RLF: variants seen among roughly 807,000 people sequenced by gnomAD.
The protein encoded by RLF is RLF zinc finger.
Under a neutral mutation model 162.9 loss-of-function variants are expected in RLF, and 7 were observed. That is an observed-to-expected ratio of 0.04 (90% confidence interval 0.02 to 0.08). RLF has a LOEUF of 0.08. Ranked by LOEUF, RLF falls within the 10% of genes least tolerant of loss-of-function variation. The pLI is 1.00. For missense variants in RLF, 1,664 were observed against 2,244.7 expected (o/e 0.74, Z 5.23); for synonymous variants, 782 against 791.5 (o/e 0.99, Z 0.20).
intron 5 of RLF, among the ~76,000 whole-genome samples, chr1:40,203,566 G>C (rs61781763): frequency 0.052 from 7,895 of 150,974 alleles, 601 homozygotes; most frequent in African/African-American, 0.17. Context: ...ACTATTTTAT[G>C]TATCAGATTG....
chr1:40,183,196 C>T lies in RLF; in HGVS notation c.238-5859C>T, dbSNP rs140095615. Among the ~76,000 whole-genome samples, 833 of 152,274 alleles carry T rather than the reference C, an allele frequency of 5.5e-3. 3 individuals carry two copies. Among genetic ancestry groups the T allele is most frequent in the Admixed American group, 8.6e-3 (131 of 15,302 alleles). On this transcript the variant is annotated intron_variant, in intron 1 of 7. Coordinates refer to ENST00000372771, the MANE Select transcript of RLF (RefSeq NM_012421.4). ...AGTGCTGCCCTCTCCTGGAAGTCTACCTCTTGTAGTGCAGTCACATTTTAC... is the reference window on the plus strand; with the variant it reads ...AGTGCTGCCCTCTCCTGGAAGTCTATCTCTTGTAGTGCAGTCACATTTTAC...
chr1:40,190,804 A>G lies in RLF; in HGVS notation c.425A>G (p.Glu142Gly), dbSNP rs754839476. The G allele has an allele frequency of 2.5e-6, 4 of 1,613,092 alleles. No individual in the cohort carries two copies. In the South Asian group the frequency reaches 4.4e-5, roughly 18 times the overall value. The change falls in exon 3 of 8, where the codon GAA becomes GGA. Residue 142 changes from glutamate to glycine, a missense_variant. Transcript: ENST00000372771. Reference sequence around the variant, plus strand: ...TTCGAATTACTGCTTTCAGTGTCTGAAAGTGAACTGCCATGTGAAGTCTGG... The same window carrying G: ...TTCGAATTACTGCTTTCAGTGTCTGGAAGTGAACTGCCATGTGAAGTCTGG... ...SCFELLLSVS[E>G]SELPCEVWLP...
At chr1:40,233,282 A>G (rs148341795) in intron 7 of RLF, among the ~76,000 whole-genome samples, 7 of 152,184 alleles carry the variant, frequency 4.6e-5, no homozygotes, top group South Asian at 2.1e-4. Context: ...ACTTTTTGGC[A>G]TATCTGTTCA....
At chr1:40,180,317 C>T (rs1642389075) in intron 1 of RLF, among the ~76,000 whole-genome samples, 1 of 152,006 alleles carries the variant, frequency 6.6e-6, no homozygotes, top group African/African-American at 2.4e-5. Context: ...GGAGTGCAGT[C>T]ACATGATCTT....
At chr1:40,199,700 A>G (rs1214811821) in intron 4 of RLF, among the ~76,000 whole-genome samples, 2 of 152,198 alleles carry the variant, frequency 1.3e-5, no homozygotes, top group Admixed American at 1.3e-4. Flanking sequence ...GCCTGTTATC[A>G]GGTATGTTGC....
intron 3 of RLF, among the ~76,000 whole-genome samples, chr1:40,193,796 A>AT (rs1345891190): frequency 1.3e-5 from 2 of 152,154 alleles, no homozygotes; most frequent in Non-Finnish European, 2.9e-5. Flanking sequence ...GTAAAAGCCT[A>AT]TTTTAACATG....
At chr1:40,173,409 T>C (rs184372250) in intron 1 of RLF, among the ~76,000 whole-genome samples, 1 of 152,254 alleles carries the variant, frequency 6.6e-6, no homozygotes, top group Non-Finnish European at 1.5e-5. Context: ...ATCAGACATT[T>C]ACATTTTTTT....
intron 1 of RLF, among the ~76,000 whole-genome samples, chr1:40,172,900 A>G (rs1183274937): frequency 1.3e-5 from 2 of 152,168 alleles, no homozygotes; most frequent in Admixed American, 6.5e-5. Flanking sequence ...TTAAGTTTTG[A>G]TGGATACTTG....
Position 40,237,931 on chromosome 1 carries a change from A to T in RLF, c.3229A>T (p.Thr1077Ser). 6.2e-7 allele frequency: 1 copy of T among 1,614,110 alleles called. No individual in the cohort carries two copies. Among genetic ancestry groups the T allele is most frequent in the Non-Finnish European group, 8.5e-7 (1 of 1,179,986 alleles). The stretch of plus-strand genomic sequence containing the variant: ...ACATTTAAGCTTGAAAAACTCAATA[A>T]CACATGGATCTTTCTCAGGGTCATT... ...LKHLSLKNSI[T>S]HGSFSGSLQG... Residue 1077 changes from threonine (T) to serine (S), a missense_variant, in exon 8 of 8, where the codon ACA (threonine) becomes TCA (serine). Thr to Ser is a moderately conservative substitution (Grantham distance 58). Transcript: ENST00000372771. This position sits in a 1 kb window ranked among gnomAD's most constrained non-coding sequence, Gnocchi z 4.4.
chr1:40,223,609 C>G (rs1035766822), intron 6 of RLF, among the ~76,000 whole-genome samples: 1 of 152,220 alleles, frequency 6.6e-6, no homozygotes, highest in Non-Finnish European at 1.5e-5. Flanking sequence ...TCATTGATCT[C>G]CCTCTGGATC....
intron 3 of RLF, among the ~76,000 whole-genome samples, chr1:40,192,634 G>A (rs1180901506): frequency 6.6e-6 from 1 of 152,126 alleles, no homozygotes; most frequent in Non-Finnish European, 1.5e-5. Context: ...TTTATCAGAT[G>A]TGTAGGATAT....
chr1:40,173,560 C>T (rs1262583676), intron 1 of RLF, among the ~76,000 whole-genome samples: 7 of 147,458 alleles, frequency 4.7e-5, no homozygotes, highest in Admixed American at 4.1e-4. Flanking sequence ...GTTGCTTAGG[C>T]TGTAGTGCAG....
Position 40,240,555 on chromosome 1 carries a change from T to C in RLF, c.*108T>C, listed in dbSNP as rs1643280351. On this transcript the variant is annotated 3_prime_UTR_variant, in exon 8 of 8. Transcript: ENST00000372771. ...AGCCACACCGTTGTTTAGGGTAGAA[T>C]AGGCTGTGTATTTACATGAATGTAT... The C allele has an allele frequency of 9.4e-6, 7 of 741,680 alleles. No homozygotes were observed. In the East Asian group the frequency reaches 1.0e-4, roughly 11 times the overall value. 45.9% of individuals were successfully genotyped at this position (741,680 alleles called of 1,614,324 possible).
chr1:40,189,460 A>G (rs895184258), intron 2 of RLF, among the ~76,000 whole-genome samples: 4 of 152,180 alleles, frequency 2.6e-5, no homozygotes, highest in Admixed American at 6.5e-5. Context: ...AGAATGATAT[A>G]TTTCTATCCC....
chr1:40,239,359 G>A lies in RLF; in HGVS notation c.4657G>A (p.Val1553Ile). The change falls in exon 8 of 8, where the codon GTT (valine) becomes ATT (isoleucine). Residue 1553 changes from valine to isoleucine, a missense_variant. Around this residue, in one of 15 missense-constraint regions of RLF, gnomAD observed 17 missense variants for 57.0 expected, o/e 0.30. Transcript: ENST00000372771. ...HSEHTQYPCM[V>I]QGCLSVVKLE... is the part of the protein sequence containing the mutation. ...TGAGCACACACAGTACCCCTGCATG[G>A]TTCAAGGATGCTTATCTGTGGTGAA... The A allele has an allele frequency of 3.1e-6, 5 of 1,614,050 alleles. No homozygotes were observed. The highest frequency in any genetic ancestry group is 4.2e-6 in the Non-Finnish European group (5 of 1,180,012).
chr1:40,233,462 T>C (rs1157234081), intron 7 of RLF, among the ~76,000 whole-genome samples: 7 of 152,216 alleles, frequency 4.6e-5, no homozygotes, highest in Non-Finnish European at 1.0e-4. Context: ...AACTGAATTA[T>C]TTTAAAATTT....
chr1:40,202,520 C>T lies in RLF; in HGVS notation c.716C>T (p.Ala239Val). 6.4e-7 allele frequency: 1 copy of T among 1,568,920 alleles called. No homozygotes were observed. The highest frequency in any genetic ancestry group is 1.2e-5 in the South Asian group (1 of 81,912). Reference protein sequence around the residue: ...PQATALSKLCAESKEISNVSS... With the variant: ...PQATALSKLCVESKEISNVSS... Reference sequence around the variant, plus strand: ...GCTACTGCTTTATCAAAACTATGTGCAGAATCTAAAGAAATTTCAAATGTG... The same window carrying T: ...GCTACTGCTTTATCAAAACTATGTGTAGAATCTAAAGAAATTTCAAATGTG... The change falls in exon 5 of 8, where the codon GCA becomes GTA. Residue 239 changes from alanine (A) to valine (V), a missense_variant. By Grantham distance (64) the Ala-to-Val change is moderately conservative. Around this residue, in one of 15 missense-constraint regions of RLF, gnomAD observed 287 missense variants for 404.9 expected, o/e 0.71. Transcript: ENST00000372771.
At chr1:40,165,978 C>A (rs570999918) in intron 1 of RLF, among the ~76,000 whole-genome samples, 11 of 152,170 alleles carry the variant, frequency 7.2e-5, no homozygotes, top group Non-Finnish European at 1.3e-4. Flanking sequence ...ACCTATTTAT[C>A]CTTTAAGACC....
At chr1:40,232,732 T>C (rs1026351899) in intron 7 of RLF, among the ~76,000 whole-genome samples, 2 of 152,112 alleles carry the variant, frequency 1.3e-5, no homozygotes, top group Admixed American at 6.6e-5. Flanking sequence ...TTGAGACAGG[T>C]CTCGCTCTGT....
Sources: gnomAD v4.1 joint callset for allele counts (sites outside exome capture counted in the v4.1 genomes callset) on GRCh38, gnomAD v4.1.1 for gene constraint, gnomAD v4.1.1 regional missense constraint, Gnocchi (gnomAD v3.1) non-coding constraint, MANE v1.5 for transcripts, NCBI Gene and HGNC (gene_info 2026-07-23, HGNC 2026-07-21) for gene names.